AIG1: variants seen among roughly 807,000 people sequenced by gnomAD.
AIG1 encodes the protein androgen induced 1, also known as androgen-induced gene 1 protein.
In AIG1, 23 loss-of-function variants were observed where a neutral mutation model predicts 31.4. That is an observed-to-expected ratio of 0.73 (90% CI 0.53 to 1.04). The LOEUF (loss-of-function observed/expected upper bound fraction) is 1.04, where lower values mean the gene tolerates loss of function less well. AIG1 is among the 50% of genes least tolerant of loss of function. The pLI is 0.00. For missense variants in AIG1, 274 were observed against 295.0 expected, an observed-to-expected ratio of 0.93 and a Z score of 0.52; for synonymous variants, 100 against 110.5, an observed-to-expected ratio of 0.90 and a Z score of 0.60.
chr6:143,341,319 C>T (rs1018600254), downstream of AIG1, among the ~76,000 whole-genome samples: 2 of 152,178 alleles, frequency 1.3e-5, no homozygotes, highest in Admixed American at 6.5e-5. Context: ...GAGTTGGTTT[C>T]CATCACAACT....
In AIG1 at chr6:143,314,869, A is replaced by G. The variant is rs115593218; in HGVS notation, c.516-18413A>G. Among the ~76,000 whole-genome samples, 476 of 152,310 alleles carry G rather than the reference A, an allele frequency of 3.1e-3. 3 individuals are homozygous for G. The highest frequency in any genetic ancestry group is 0.011 in the African/African-American group (461 of 41,584). On this transcript the variant is annotated intron_variant, in intron 4 of 5. Coordinates refer to ENST00000357847, the MANE Select transcript of AIG1 (RefSeq NM_016108.4). ...AATCTGATTGATTTTCAATGTGAAAATATAAAAACTGTTCTTGGAGTTATT... is the reference window on the plus strand; with the variant it reads ...AATCTGATTGATTTTCAATGTGAAAGTATAAAAACTGTTCTTGGAGTTATT...
chr6:143,198,693 C>T (rs547258443), intron 3 of AIG1, among the ~76,000 whole-genome samples: 1 of 152,178 alleles, frequency 6.6e-6, no homozygotes, highest in South Asian at 2.1e-4. Context: ...AGATGGCCTA[C>T]CACACCACGT....
chr6:143,194,239 A>C (rs551933230), intron 3 of AIG1, among the ~76,000 whole-genome samples: 147 of 152,334 alleles, frequency 9.6e-4, no homozygotes, highest in African/African-American at 3.5e-3. Flanking sequence ...CGTGTCTTAC[A>C]TGGCGGCAGG....
intron 1 of AIG1, among the ~76,000 whole-genome samples, chr6:143,121,743 T>C (rs1782259461): frequency 6.6e-6 from 1 of 152,234 alleles, no homozygotes; most frequent in African/African-American, 2.4e-5. Flanking sequence ...CAAATAATGT[T>C]ATTGTTAATG....
chr6:143,214,979 C>T (rs1198703708), intron 3 of AIG1, among the ~76,000 whole-genome samples: 1 of 152,156 alleles, frequency 6.6e-6, no homozygotes, highest in Non-Finnish European at 1.5e-5. Context: ...TTCCCACCCT[C>T]AATGGCCATT....
chr6:143,114,875 T>C (rs1007391130), intron 1 of AIG1, among the ~76,000 whole-genome samples: 4 of 152,228 alleles, frequency 2.6e-5, no homozygotes, highest in African/African-American at 9.6e-5. Flanking sequence ...TAGAGATAGC[T>C]GGAGTCCTGG....
At chr6:143,191,986 A>T (rs1789829658) in intron 3 of AIG1, among the ~76,000 whole-genome samples, 1 of 152,210 alleles carries the variant, frequency 6.6e-6, no homozygotes, top group South Asian at 2.1e-4. Flanking sequence ...TTCTGTTTTG[A>T]AGCTGAATTA....
At chr6:143,073,131 A>G (rs1393153832) in intron 1 of AIG1, among the ~76,000 whole-genome samples, 2 of 151,954 alleles carry the variant, frequency 1.3e-5, no homozygotes, top group East Asian at 1.9e-4. Flanking sequence ...ACCATGCAAT[A>G]TTTTTCTTTC....
At position 143,326,591 on chromosome 6, in the gene AIG1, G is replaced by C. The variant is rs1776633179; in HGVS notation, c.516-6691G>C. Among the ~76,000 whole-genome samples, 3 of 152,140 alleles carry C rather than the reference G, an allele frequency of 2.0e-5. No homozygotes were observed. The highest frequency in any genetic ancestry group is 2.0e-4 in the Admixed American group (3 of 15,260). On this transcript the variant is annotated intron_variant, in intron 4 of 5. Transcript: ENST00000357847. The surrounding 1 kb of genome is among the most constrained non-coding windows in gnomAD (Gnocchi z 4.5). ...AATAAAGATATTCAAATTTAAGTAT[G>C]AATAAAAGAGCTTTAAAAATGAATG...
intron 1 of AIG1, among the ~76,000 whole-genome samples, chr6:143,133,677 C>T (rs1783473352): frequency 1.3e-5 from 2 of 152,004 alleles, no homozygotes; most frequent in Admixed American, 6.6e-5. Flanking sequence ...TATATTTAGT[C>T]CAAATGTCTA....
intron 1 of AIG1, among the ~76,000 whole-genome samples, chr6:143,127,986 C>T (rs1009353137): frequency 6.6e-6 from 1 of 152,026 alleles, no homozygotes; most frequent in Non-Finnish European, 1.5e-5. Context: ...CCACATCCAG[C>T]CATAATTAAA....
intron 3 of AIG1, among the ~76,000 whole-genome samples, chr6:143,194,282 TCAAACACTCA>T (rs1373063671): frequency 6.6e-6 from 1 of 152,134 alleles, no homozygotes; most frequent in African/African-American, 2.4e-5. Flanking sequence ...GGAAGAACTG[TCAAACACTCA>T]CAAAACCATT....
intron 1 of AIG1, chr6:143,099,665 C>T (rs1242344989): frequency 6.6e-6 from 1 of 152,110 alleles, no homozygotes; most frequent in Non-Finnish European, 1.5e-5. Context: ...AAAGTGGTTT[C>T]ATTATGAAAG....
At chr6:143,151,938 G>A (rs1263342284) in intron 2 of AIG1, among the ~76,000 whole-genome samples, 1 of 152,178 alleles carries the variant, frequency 6.6e-6, no homozygotes, top group African/African-American at 2.4e-5. Context: ...TGCTTTCTTG[G>A]GTGGCCAGAG....
At chr6:143,221,226 A>G (rs1792490062) in intron 3 of AIG1, among the ~76,000 whole-genome samples, 2 of 152,182 alleles carry the variant, frequency 1.3e-5, no homozygotes, top group African/African-American at 2.4e-5. Flanking sequence ...CGTTTTGTCT[A>G]TGCAAGCTGT....
chr6:143,305,691 T>A (rs1799219028), intron 4 of AIG1, among the ~76,000 whole-genome samples: 1 of 152,116 alleles, frequency 6.6e-6, no homozygotes. Context: ...CTGAAAAAAA[T>A]GTATATTCTG....
chr6:143,065,478 T>TTCATTCAC (rs16640), intron 1 of AIG1, among the ~76,000 whole-genome samples: 46,089 of 151,702 alleles, frequency 0.3, 11,216 homozygotes, highest in African/African-American at 0.66. Context: ...GTGATGTGGA[T>TTCATTCAC]TCATTCACTA....
intron 5 of AIG1, among the ~76,000 whole-genome samples, chr6:143,337,073 A>G (rs1777549054): frequency 6.6e-6 from 1 of 152,204 alleles, no homozygotes; most frequent in Non-Finnish European, 1.5e-5. Flanking sequence ...CCTGCCTTCC[A>G]GGCACAGGGT....
intron 1 of AIG1, among the ~76,000 whole-genome samples, chr6:143,126,491 G>T (rs1782697857): frequency 1.3e-5 from 2 of 152,212 alleles, no homozygotes; most frequent in African/African-American, 2.4e-5. Context: ...CAGGGAGAAA[G>T]AATTATGCGC....
Sources: gnomAD v4.1 joint callset for allele counts (sites outside exome capture counted in the v4.1 genomes callset) on GRCh38, gnomAD v4.1.1 for gene constraint, Gnocchi (gnomAD v3.1) non-coding constraint, MANE v1.5 for transcripts, NCBI Gene and HGNC (gene_info 2026-07-23, HGNC 2026-07-21) for gene names.